Variants in TNIK observed in about 807,000 individuals in gnomAD.
The protein encoded by TNIK is TRAF2 and NCK-interacting protein kinase.
A neutral mutation model predicts 191.3 loss-of-function variants in TNIK; 49 were observed. That is an observed-to-expected ratio of 0.26 (90% CI 0.20 to 0.32). The LOEUF (loss-of-function observed/expected upper bound fraction) is 0.32, where lower values mean the gene tolerates loss of function less well. Among genes scored for constraint, TNIK ranks in the 10% least tolerant of loss-of-function variants. The pLI, the probability that TNIK is intolerant of heterozygous loss-of-function variation, is 1.00. For synonymous variants in TNIK, 594 were observed against 600.9 expected (o/e 0.99, Z 0.17); for missense variants, 1,155 against 1,702.3 (o/e 0.68, Z 5.66).
At chr3:171,113,274 A>G (rs1402393788) in intron 18 of TNIK, among the ~76,000 whole-genome samples, 3 of 152,058 alleles carry the variant, frequency 2.0e-5, no homozygotes, top group African/African-American at 4.8e-5. Context: ...TGCTTAGGCT[A>G]TTACCGACGG....
chr3:171,387,458 C>T (rs374599933), intron 1 of TNIK, among the ~76,000 whole-genome samples: 32 of 152,196 alleles, frequency 2.1e-4, no homozygotes, highest in African/African-American at 7.2e-4. Flanking sequence ...CAAAACCTGA[C>T]ATCGGCTCTT....
intron 2 of TNIK, among the ~76,000 whole-genome samples, chr3:171,265,443 G>T (rs186327613): frequency 2.6e-5 from 4 of 152,292 alleles, no homozygotes; most frequent in Admixed American, 2.0e-4. Context: ...AGTGGAACTG[G>T]ATTCTTTTGT....
intron 3 of TNIK, among the ~76,000 whole-genome samples, chr3:171,220,715 G>A (rs1449757986): frequency 1.3e-5 from 2 of 152,036 alleles, no homozygotes; most frequent in African/African-American, 2.4e-5. Flanking sequence ...CCCACTAGGG[G>A]GCTAAGGGAA....
At position 171,460,138 on chromosome 3, in the gene TNIK, T is replaced by C. The variant is rs1281795616; in HGVS notation, c.-75A>G. 13 of 1,539,218 alleles carry C rather than the reference T, an allele frequency of 8.4e-6. No individual in the cohort carries two copies. The highest frequency in any genetic ancestry group is 1.1e-5 in the Non-Finnish European group (13 of 1,137,786). ...CCTTGGAAATTCCACCTTGGTCTATTTCACTCGCGTCCTCATGCGGGTGTC... is the reference window on the plus strand; with the variant it reads ...CCTTGGAAATTCCACCTTGGTCTATCTCACTCGCGTCCTCATGCGGGTGTC... On this transcript the variant is annotated 5_prime_UTR_variant, in exon 1 of 33. Coordinates refer to ENST00000436636, the MANE Select transcript of TNIK (RefSeq NM_015028.4). This position sits in a 1 kb window ranked among gnomAD's most constrained non-coding sequence, Gnocchi z 6.8.
intron 2 of TNIK, among the ~76,000 whole-genome samples, chr3:171,313,937 C>T (rs983905034): frequency 2.6e-5 from 4 of 152,034 alleles, no homozygotes; most frequent in African/African-American, 7.2e-5. Context: ...TAGTCGTTGC[C>T]GGAATGGGCT....
Position 171,119,156 on chromosome 3 carries a change from G to C in TNIK, c.2120+4440C>G, listed in dbSNP as rs1475158457. Among the ~76,000 whole-genome samples, 5 of 152,264 alleles carry C rather than the reference G, an allele frequency of 3.3e-5. No individual in the cohort carries two copies. In the East Asian group the frequency reaches 9.6e-4, roughly 29 times the overall value. ...GGATATGAACAGACACTTCTCAAAA[G>C]AAGATATTTATGCAGCCAAAAGACA... is the stretch of plus-strand genomic sequence containing the variant. On this transcript the variant is annotated intron_variant, in intron 18 of 32. Coordinates refer to ENST00000436636, the MANE Select transcript of TNIK (RefSeq NM_015028.4).
intron 1 of TNIK, among the ~76,000 whole-genome samples, chr3:171,442,669 A>C (rs1414105950): frequency 6.6e-6 from 1 of 152,206 alleles, no homozygotes; most frequent in Non-Finnish European, 1.5e-5. Context: ...TATAATAATT[A>C]TCCACTGGCA....
intron 2 of TNIK, among the ~76,000 whole-genome samples, chr3:171,327,590 C>CA (rs1400396298): frequency 3.3e-5 from 5 of 152,070 alleles, no homozygotes; most frequent in Non-Finnish European, 7.4e-5. Flanking sequence ...ACCAGGATGC[C>CA]CGTGGCATTG....
intron 9 of TNIK, among the ~76,000 whole-genome samples, chr3:171,169,600 C>T (rs1560210180): frequency 1.3e-5 from 2 of 152,112 alleles, no homozygotes; most frequent in Non-Finnish European, 2.9e-5. Flanking sequence ...ACTCAACCAA[C>T]TATTAATTAG....
intron 15 of TNIK, among the ~76,000 whole-genome samples, chr3:171,137,860 C>T (rs540205595): frequency 6.6e-6 from 1 of 150,904 alleles, no homozygotes; most frequent in Admixed American, 6.6e-5. Flanking sequence ...ACAAAAAGGT[C>T]ACTAAAAATC....
At chr3:171,238,352 T>C (rs931320125) in intron 2 of TNIK, among the ~76,000 whole-genome samples, 1 of 151,926 alleles carries the variant, frequency 6.6e-6, no homozygotes, top group African/African-American at 2.4e-5. Context: ...ATTGTATATA[T>C]ACAAATATAC....
At chr3:171,357,551 C>CTT (rs77632080) in intron 2 of TNIK, among the ~76,000 whole-genome samples, 27,802 of 126,746 alleles carry the variant, frequency 0.22, 3,283 homozygotes, top group South Asian at 0.34. Context: ...AGCCTCTGTA[C>CTT]TTTTTTTTTT....
chr3:171,255,379 C>A (rs1322687476), intron 2 of TNIK, among the ~76,000 whole-genome samples: 2 of 152,130 alleles, frequency 1.3e-5, no homozygotes, highest in African/African-American at 4.8e-5. Context: ...CTGGTTACAA[C>A]CATCTTAGCT....
rs1183454490 is a variant in TNIK at position 171,292,030 on chromosome 3, T to G, written c.124-63809A>C. Among the ~76,000 whole-genome samples the G allele has an allele frequency of 3.9e-5, 6 of 152,218 alleles. No homozygotes were observed. The South Asian group carries it at 1.0e-3, about 26-fold the overall frequency. On this transcript the variant is annotated intron_variant, in intron 2 of 32. Transcript: ENST00000436636. ...ATTAATCAAACCCATACAGAGGATT[T>G]TTTAAATTTCAGATATTATTTTTAG...
At chr3:171,237,184 G>T (rs1407152809) in intron 2 of TNIK, among the ~76,000 whole-genome samples, 1 of 152,044 alleles carries the variant, frequency 6.6e-6, no homozygotes, top group Non-Finnish European at 1.5e-5. Flanking sequence ...AACACAAATC[G>T]GGACCCATTT....
chr3:171,120,540 C>G (rs12495815), intron 18 of TNIK, among the ~76,000 whole-genome samples: 13,649 of 152,080 alleles, frequency 0.09, 772 homozygotes, highest in Middle Eastern at 0.2. Context: ...AGGATGGTCT[C>G]GATCTCCTGA....
chr3:171,451,004 T>C lies in TNIK; in HGVS notation c.57+9003A>G, dbSNP rs576745684. Among the ~76,000 whole-genome samples, 239 of 152,330 alleles carry C rather than the reference T, an allele frequency of 1.6e-3. 2 individuals carry two copies. The highest frequency in any genetic ancestry group is 5.5e-3 in the African/African-American group (228 of 41,570). The stretch of plus-strand genomic sequence containing the variant: ...TTTCAGGGTGGAAGGGAGTGTTACT[T>C]TACAGATATATTGCAAAGAAAGCCT... On this transcript the variant is annotated intron_variant, in intron 1 of 32. Transcript: ENST00000436636.
chr3:171,073,209 T>A (rs1301242475), intron 28 of TNIK, among the ~76,000 whole-genome samples: 1 of 151,886 alleles, frequency 6.6e-6, no homozygotes, highest in Admixed American at 6.6e-5. Context: ...GACATACAGA[T>A]CAATGGAACA....
chr3:171,147,094 C>T (rs1731728389), intron 12 of TNIK, among the ~76,000 whole-genome samples: 1 of 152,106 alleles, frequency 6.6e-6, no homozygotes, highest in South Asian at 2.1e-4. Context: ...TTCTTATTTG[C>T]CCTTGGAGAG....
Sources: gnomAD v4.1 joint callset for allele counts (sites outside exome capture counted in the v4.1 genomes callset) on GRCh38, gnomAD v4.1.1 for gene constraint, Gnocchi (gnomAD v3.1) non-coding constraint, MANE v1.5 for transcripts, NCBI Gene and HGNC (gene_info 2026-07-23, HGNC 2026-07-21) for gene names.